PCSK2: variants seen among roughly 807,000 people sequenced by gnomAD.
The protein encoded by PCSK2 is proprotein convertase subtilisin/kexin type 2.
A neutral mutation model predicts 69.7 loss-of-function variants in PCSK2; 14 were observed. That is an observed-to-expected ratio of 0.20 (90% confidence interval 0.13 to 0.31). The LOEUF (loss-of-function observed/expected upper bound fraction) is 0.31, where lower values mean the gene tolerates loss of function less well. PCSK2 is among the 10% of genes least tolerant of loss of function. PCSK2 has a pLI of 1.00. For synonymous variants in PCSK2, 307 were observed against 320.7 expected, an observed-to-expected ratio of 0.96 and a Z score of 0.46; for missense variants, 544 against 842.5, an observed-to-expected ratio of 0.65 and a Z score of 4.39.
At chr20:17,396,122 C>T (rs768354837) in intron 5 of PCSK2, among the ~76,000 whole-genome samples, 3 of 152,202 alleles carry the variant, frequency 2.0e-5, no homozygotes, top group Non-Finnish European at 4.4e-5. Context: ...TTGACTTGTA[C>T]CTCATCACCT....
At chr20:17,307,697 A>C (rs932879069) in intron 2 of PCSK2, among the ~76,000 whole-genome samples, 1 of 152,182 alleles carries the variant, frequency 6.6e-6, no homozygotes, top group Admixed American at 6.5e-5. Flanking sequence ...ATACTCCCTG[A>C]TTTCATAGAG....
intron 11 of PCSK2, among the ~76,000 whole-genome samples, chr20:17,468,238 G>C (rs1275426249): frequency 6.7e-6 from 1 of 149,796 alleles, no homozygotes; most frequent in Non-Finnish European, 1.5e-5. Flanking sequence ...CCTCCCACAG[G>C]CCAGCGTCCT....
intron 5 of PCSK2, among the ~76,000 whole-genome samples, chr20:17,386,223 G>A (rs994802930): frequency 1.6e-4 from 25 of 152,102 alleles, no homozygotes; most frequent in African/African-American, 6.0e-4. Flanking sequence ...ACATTATAAA[G>A]CATATCCAAG....
At chr20:17,353,358 G>A (rs145247260) in intron 2 of PCSK2, among the ~76,000 whole-genome samples, 11 of 151,862 alleles carry the variant, frequency 7.2e-5, no homozygotes, top group East Asian at 1.9e-4. Context: ...CCAGCTACTC[G>A]GGTGGCTGAG....
chr20:17,258,761 A>AGTGTGTGTGTGTGTGTGTGT (rs11467589), intron 1 of PCSK2, among the ~76,000 whole-genome samples: 7 of 145,108 alleles, frequency 4.8e-5, no homozygotes, highest in Non-Finnish European at 7.6e-5. Context: ...CATAATATGT[A>AGTGTGTGTGTGTGTGTGTGT]GTGTGTGTGT....
intron 2 of PCSK2, among the ~76,000 whole-genome samples, chr20:17,344,795 C>G (rs758347825): frequency 5.3e-5 from 8 of 152,156 alleles, no homozygotes; most frequent in Non-Finnish European, 8.8e-5. Context: ...TTTCCCAGTG[C>G]CTTCTTACTT....
At chr20:17,267,895 G>C (rs1293277140) in intron 2 of PCSK2, among the ~76,000 whole-genome samples, 1 of 151,792 alleles carries the variant, frequency 6.6e-6, no homozygotes, top group African/African-American at 2.4e-5. Context: ...AGTCTCTAAT[G>C]GTGGGCTAGC....
At chr20:17,380,028 T>G (rs558721318) in intron 5 of PCSK2, among the ~76,000 whole-genome samples, 2 of 152,110 alleles carry the variant, frequency 1.3e-5, no homozygotes, top group Non-Finnish European at 2.9e-5. Flanking sequence ...CACAAACAAC[T>G]GAATGAACTT....
chr20:17,437,992 CA>C (rs575127562), intron 8 of PCSK2, among the ~76,000 whole-genome samples: 10,361 of 150,958 alleles, frequency 0.069, 447 homozygotes, highest in East Asian at 0.16. Context: ...AGTTCCCCCC[CA>C]CCCACACCGT....
chr20:17,383,767 G>T (rs2031154510), intron 5 of PCSK2, among the ~76,000 whole-genome samples: 1 of 152,174 alleles, frequency 6.6e-6, no homozygotes, highest in Non-Finnish European at 1.5e-5. Flanking sequence ...CTATTCACAA[G>T]TCTCTCTTGA....
intron 11 of PCSK2, among the ~76,000 whole-genome samples, chr20:17,466,420 T>C (rs145972448): frequency 1.1e-3 from 171 of 152,294 alleles, no homozygotes; most frequent in African/African-American, 3.2e-3. Flanking sequence ...ACAATTCGTT[T>C]ATTCATTCTA....
In PCSK2 at chr20:17,303,444, TATATATTATATTAA is replaced by T. The variant is rs1989170994; in HGVS notation, c.282+43106_282+43119del. 5.8e-5 allele frequency among the ~76,000 whole-genome samples: 3 copies of T among 51,514 alleles called. No homozygotes were observed. The Admixed American group carries it at 6.9e-4, about 12-fold the overall frequency. 33.8% of individuals were successfully genotyped at this position (51,514 alleles called of 152,430 possible). A position where few individuals can be genotyped will look rare whatever the true frequency, so the allele number is the denominator to read the frequency against. Reference sequence around the variant, plus strand: ...TATATATTTTTAATATATAATATAATATATATTATATTAAATATAATATATATTATATATAATAT... The same window carrying T: ...TATATATTTTTAATATATAATATAATATATAATATATATTATATATAATAT... On this transcript the variant is annotated intron_variant, in intron 2 of 11. Coordinates refer to ENST00000262545, the MANE Select transcript of PCSK2 (RefSeq NM_002594.5).
chr20:17,457,622 A>G (rs2032945273), intron 10 of PCSK2, among the ~76,000 whole-genome samples: 1 of 152,226 alleles, frequency 6.6e-6, no homozygotes, highest in Non-Finnish European at 1.5e-5. Flanking sequence ...CCTCTGCCCT[A>G]TCAAGCACAG....
intron 5 of PCSK2, among the ~76,000 whole-genome samples, chr20:17,406,096 C>T (rs909065061): frequency 3.3e-5 from 5 of 152,184 alleles, no homozygotes; most frequent in Admixed American, 2.6e-4. Flanking sequence ...GTGACCAGAA[C>T]ATTAAATTCA....
intron 2 of PCSK2, among the ~76,000 whole-genome samples, chr20:17,263,541 G>A (rs1305404485): frequency 3.3e-5 from 5 of 152,004 alleles, no homozygotes; most frequent in African/African-American, 7.2e-5. Flanking sequence ...TTTTCTTCAG[G>A]GTTTTAATCC....
chr20:17,260,403 G>C, intron 2 of PCSK2, 59 bp downstream of exon 2: 2 of 1,208,946 alleles, frequency 1.7e-6, no homozygotes, highest in Middle Eastern at 2.2e-4. Context: ...AGCCCACCAA[G>C]GGGGTGTGGA....
At chr20:17,289,627 A>G (rs930328252) in intron 2 of PCSK2, among the ~76,000 whole-genome samples, 1 of 152,228 alleles carries the variant, frequency 6.6e-6, no homozygotes, top group African/African-American at 2.4e-5. Context: ...GTATCACTTT[A>G]AAAATAAAAA....
intron 2 of PCSK2, among the ~76,000 whole-genome samples, chr20:17,278,150 A>G (rs1194658468): frequency 6.6e-6 from 1 of 152,232 alleles, no homozygotes; most frequent in Non-Finnish European, 1.5e-5. Context: ...ACCATTGTGG[A>G]AGTCAGTGTG....
At chr20:17,356,069 T>C (rs2030186707) in intron 2 of PCSK2, among the ~76,000 whole-genome samples, 1 of 152,156 alleles carries the variant, frequency 6.6e-6, no homozygotes, top group South Asian at 2.1e-4. Flanking sequence ...TATATGTACA[T>C]ATGTGACAGT....
Sources: allele counts gnomAD v4.1 joint callset (sites outside exome capture counted in the v4.1 genomes callset), GRCh38; gene constraint gnomAD v4.1.1; transcripts MANE v1.5; gene names NCBI Gene and HGNC (gene_info 2026-07-23, HGNC 2026-07-21).